Variants in ANKFN1 observed in about 807,000 individuals in gnomAD.
ANKFN1 encodes ankyrin repeat and fibronectin type-III domain-containing protein 1.
In ANKFN1, 74 loss-of-function variants were observed where a neutral mutation model predicts 108.7. The observed-to-expected ratio is 0.68, with a 90% CI of 0.56 to 0.83. The LOEUF (loss-of-function observed/expected upper bound fraction) is 0.83. Ranked by LOEUF, ANKFN1 falls within the 40% of genes least tolerant of loss-of-function variation. The probability of loss-of-function intolerance (pLI) is 0.00; values close to 1 mark genes in which losing one functional copy is unlikely to be tolerated. For missense variants in ANKFN1, 1,505 were observed against 1,382.3 expected, an observed-to-expected ratio of 1.09 and a Z score of -1.41; for synonymous variants, 547 against 516.2, an observed-to-expected ratio of 1.06 and a Z score of -0.81.
intron 3 of ANKFN1, among the ~76,000 whole-genome samples, chr17:56,302,648 G>C (rs535073934): frequency 2.0e-5 from 3 of 152,200 alleles, no homozygotes; most frequent in Non-Finnish European, 2.9e-5. Context: ...ATAGAGAACA[G>C]AGTTAAAAGT....
chr17:56,150,554 T>C (rs1471596402), upstream of ANKFN1, among the ~76,000 whole-genome samples: 3 of 152,214 alleles, frequency 2.0e-5, no homozygotes, highest in Non-Finnish European at 4.4e-5. Flanking sequence ...CAGAAGCTAG[T>C]TGGTGCCCAC....
chr17:56,140,212 C>A (rs1907838310), intron 4 of ANKFN1, among the ~76,000 whole-genome samples: 1 of 152,226 alleles, frequency 6.6e-6, no homozygotes, highest in Non-Finnish European at 1.5e-5. Context: ...AGAGAAGGCA[C>A]TGACTTTCCA....
At position 56,511,453 on chromosome 17, in the gene ANKFN1, C is replaced by G; in HGVS notation, c.*184C>G. On this transcript the variant is annotated 3_prime_UTR_variant, in exon 21 of 21. Coordinates refer to ENST00000682825, the MANE Select transcript of ANKFN1 (RefSeq NM_001370326.1). The stretch of plus-strand genomic sequence containing the variant: ...GAGTGGTGGGTGGAGGCCAGAGTTG[C>G]CAGTGCCATTCCCACTTCAGCCTAG... 1 of 661,708 alleles carries G rather than the reference C, an allele frequency of 1.5e-6. No individual in the cohort carries two copies. 41.0% of individuals were successfully genotyped at this position (661,708 alleles called of 1,614,324 possible). A position where few individuals can be genotyped will look rare whatever the true frequency, so the allele number is the denominator to read the frequency against.
chr17:56,207,815 T>G (rs888131504), intron 1 of ANKFN1, among the ~76,000 whole-genome samples: 1 of 152,130 alleles, frequency 6.6e-6, no homozygotes, highest in African/African-American at 2.4e-5. Flanking sequence ...TATTCCAGAT[T>G]TTGTCCTTTT....
rs544001948 is a variant in ANKFN1, at chr17:56,326,601, T to C, written c.188+246T>C. 2.7e-4 allele frequency among the ~76,000 whole-genome samples: 41 copies of C among 152,304 alleles called. 1 individual carries two copies. Among genetic ancestry groups the C allele is most frequent in the African/African-American group, 8.9e-4 (37 of 41,568 alleles). ...GGTAGGGAAGCCCCATTTCTGATAA[T>C]TGGGCATTTTGTTTGCAGTAAGCTT... On this transcript the variant is annotated intron_variant, in intron 4 of 20. Coordinates refer to ENST00000682825, the MANE Select transcript of ANKFN1 (RefSeq NM_001370326.1).
intron 4 of ANKFN1, among the ~76,000 whole-genome samples, chr17:56,068,925 A>C (rs1177955602): frequency 6.6e-6 from 1 of 152,214 alleles, no homozygotes; most frequent in East Asian, 1.9e-4. Context: ...TACATGATGT[A>C]TGTTGATTCT....
At chr17:56,452,179 T>A (rs1271980750) in intron 11 of ANKFN1, among the ~76,000 whole-genome samples, 2 of 152,228 alleles carry the variant, frequency 1.3e-5, no homozygotes, top group Non-Finnish European at 2.9e-5. Context: ...CAATAGTAAC[T>A]GAAACCCTGC....
intron 3 of ANKFN1, among the ~76,000 whole-genome samples, chr17:56,248,902 G>T (rs1362687834): frequency 2.0e-5 from 3 of 152,242 alleles, no homozygotes. Flanking sequence ...AGCCAAAAAG[G>T]TCCATTATCC....
intron 8 of ANKFN1, among the ~76,000 whole-genome samples, chr17:56,391,458 G>A (rs570267355): frequency 5.5e-4 from 78 of 142,106 alleles, no homozygotes; most frequent in African/African-American, 1.1e-3. Flanking sequence ...TGACAGTCTC[G>A]CTCTGTCACC....
intron 3 of ANKFN1, among the ~76,000 whole-genome samples, chr17:56,295,785 A>G (rs2144335972): frequency 6.6e-6 from 1 of 152,354 alleles, no homozygotes; most frequent in Non-Finnish European, 1.5e-5. Flanking sequence ...TGCAGAATGC[A>G]CCACATGGTG....
chr17:56,289,188 C>CA (rs1395960004), intron 3 of ANKFN1, among the ~76,000 whole-genome samples: 1 of 152,098 alleles, frequency 6.6e-6, no homozygotes, highest in Non-Finnish European at 1.5e-5. Context: ...TAATGAGAGG[C>CA]AAGTGAAGGG....
At chr17:56,481,869 G>A (rs139438012) in intron 17 of ANKFN1, among the ~76,000 whole-genome samples, 3 of 152,192 alleles carry the variant, frequency 2.0e-5, no homozygotes, top group African/African-American at 7.2e-5. Context: ...GTTTGAAGCA[G>A]CTCATATTTC....
intron 3 of ANKFN1, 33 bp downstream of exon 3, chr17:56,227,990 C>A: frequency 6.3e-7 from 1 of 1,578,366 alleles, no homozygotes; most frequent in South Asian, 1.2e-5. Flanking sequence ...ATGGTATCTA[C>A]TTCTCAGCTG....
At chr17:56,153,420 T>G (rs1313131036), upstream of ANKFN1, 2 of 1,537,526 alleles carry the variant, frequency 1.3e-6, no homozygotes, top group South Asian at 2.2e-5. Context: ...AGGGTTCCCT[T>G]GGCAACGGGA....
chr17:56,165,079 T>C (rs779750238), intron 1 of ANKFN1, among the ~76,000 whole-genome samples: 4 of 152,244 alleles, frequency 2.6e-5, no homozygotes, highest in Non-Finnish European at 5.9e-5. Context: ...AGTTGCCTTA[T>C]GAACTTTAAG....
chr17:56,405,803 T>A (rs28690112), intron 8 of ANKFN1, among the ~76,000 whole-genome samples: 2,917 of 152,266 alleles, frequency 0.019, 80 homozygotes, highest in African/African-American at 0.065. Flanking sequence ...TGTAATATAC[T>A]ACCTTTTGTG....
At position 56,480,709 on chromosome 17, in the gene ANKFN1, C is replaced by A. The variant is rs1030818703; in HGVS notation, c.1982C>A (p.Ser661Tyr). 1 of 1,613,862 alleles carries A rather than the reference C, an allele frequency of 6.2e-7. No individual in the cohort carries two copies. The highest frequency in any genetic ancestry group is 1.3e-5 in the African/African-American group (1 of 74,882). ...EWIQKLSGSE[S>Y]MESVDHTSDC... ...ATCCAAAAGCTTTCTGGCTCTGAAT[C>A]TATGGAAAGTGTGGATCATACTTCT... Residue 661 changes from serine (S) to tyrosine (Y), a missense_variant, in exon 17 of 21, where the codon TCT (serine) becomes TAT (tyrosine). Ser to Tyr is a moderately radical substitution (Grantham distance 144). Transcript: ENST00000682825.
At chr17:56,220,517 G>T (rs1277003495) in intron 2 of ANKFN1, among the ~76,000 whole-genome samples, 1 of 151,894 alleles carries the variant, frequency 6.6e-6, no homozygotes, top group East Asian at 2.0e-4. Context: ...AAAATTAGCT[G>T]GGTGTGGTGG....
intron 4 of ANKFN1, among the ~76,000 whole-genome samples, chr17:56,133,785 T>TG (rs915613893): frequency 6.9e-6 from 1 of 145,706 alleles, no homozygotes. Flanking sequence ...AAATCCAAAG[T>TG]GTTTTTTTTT....
Sources: allele counts gnomAD v4.1 joint callset (sites outside exome capture counted in the v4.1 genomes callset), GRCh38; gene constraint gnomAD v4.1.1; transcripts MANE v1.5; gene names NCBI Gene and HGNC (gene_info 2026-07-23, HGNC 2026-07-21).